Variants in ASH1L observed in about 807,000 individuals in gnomAD.
ASH1L encodes histone-lysine N-methyltransferase ASH1L.
ASH1L carries 23 observed loss-of-function variants against 269.0 expected under a neutral mutation model. The ratio of observed to expected loss-of-function variants is 0.09; its 90% confidence interval spans 0.06 to 0.12. ASH1L has a LOEUF of 0.12. Among genes scored for constraint, ASH1L ranks in the 10% least tolerant of loss-of-function variants. ASH1L has a pLI of 1.00. For synonymous variants in ASH1L, 1,187 were observed against 1,253.5 expected (o/e 0.95, Z 1.12); for missense variants, 2,912 against 3,567.8 (o/e 0.82, Z 4.68).
chr1:155,362,901 C>G (rs1250534901), intron 12 of ASH1L, among the ~76,000 whole-genome samples: 1 of 152,102 alleles, frequency 6.6e-6, no homozygotes, highest in Non-Finnish European at 1.5e-5. Flanking sequence ...TAGATACTGC[C>G]CTATTACATG....
intron 2 of ASH1L, among the ~76,000 whole-genome samples, chr1:155,506,587 C>A (rs1180455440): frequency 1.3e-5 from 2 of 151,800 alleles, no homozygotes; most frequent in African/African-American, 4.8e-5. Flanking sequence ...GTACCAGCTA[C>A]CTGGGAGGCT....
chr1:155,467,976 T>A (rs1194593970), intron 3 of ASH1L, among the ~76,000 whole-genome samples: 1 of 152,148 alleles, frequency 6.6e-6, no homozygotes, highest in Non-Finnish European at 1.5e-5. Context: ...TACAGTACAT[T>A]TGTCACAACC....
chr1:155,484,387 C>G (rs1666154953), intron 2 of ASH1L, among the ~76,000 whole-genome samples: 2 of 151,974 alleles, frequency 1.3e-5, no homozygotes, highest in Non-Finnish European at 2.9e-5. Flanking sequence ...TACCGGGAGG[C>G]TGAGGCAGGA....
intron 12 of ASH1L, among the ~76,000 whole-genome samples, chr1:155,367,775 T>G (rs1655569514): frequency 6.6e-6 from 1 of 152,230 alleles, no homozygotes; most frequent in African/African-American, 2.4e-5. Flanking sequence ...TTTTGAATGT[T>G]AAACCAAACA....
At chr1:155,554,212 G>A (rs1671422755) in intron 1 of ASH1L, among the ~76,000 whole-genome samples, 2 of 151,742 alleles carry the variant, frequency 1.3e-5, no homozygotes. Context: ...AGCCTCCCAA[G>A]TAGCTGGGAC....
At chr1:155,368,035 C>T (rs1655595910) in intron 12 of ASH1L, among the ~76,000 whole-genome samples, 1 of 152,150 alleles carries the variant, frequency 6.6e-6, no homozygotes, top group Admixed American at 6.6e-5. Flanking sequence ...GACACAGGGT[C>T]TCTGTCACCC....
intron 3 of ASH1L, among the ~76,000 whole-genome samples, chr1:155,467,917 C>T (rs2148693968): frequency 6.6e-6 from 1 of 152,100 alleles, no homozygotes; most frequent in South Asian, 2.1e-4. Flanking sequence ...ACAGAGAATA[C>T]TCGTATGTCC....
Position 155,415,801 on chromosome 1 carries a change from G to T in ASH1L, c.5951C>A (p.Pro1984His). ...TGCTTTCTGATACTTCTTCTTTGGG[G>T]GACGTGGGGGCTTCTTTTCCCTTGG... ...LIPREKKPPR[P>H]PKKKYQKAGL... The change falls in exon 6 of 28, where the codon CCC becomes CAC. Residue 1984 changes from proline to histidine, a missense_variant. Pro to His is a moderately conservative substitution (Grantham distance 77). Coordinates refer to ENST00000392403, the MANE Select transcript of ASH1L (RefSeq NM_018489.3). The T allele has an allele frequency of 3.7e-6, 6 of 1,614,014 alleles. No individual in the cohort carries two copies. The highest frequency in any genetic ancestry group is 5.1e-6 in the Non-Finnish European group (6 of 1,180,028).
At chr1:155,380,208 CTAAAAAAA>C in intron 7 of ASH1L, 92 bp from the exon 8 acceptor site, 1 of 864,828 alleles carries the variant, frequency 1.2e-6, no homozygotes, top group Non-Finnish European at 1.8e-6. Flanking sequence ...CATGTACTGA[CTAAAAAAA>C]TAAAGATTTA....
At chr1:155,477,708 AAT>A (rs1294155372) in intron 3 of ASH1L, among the ~76,000 whole-genome samples, 176 bp downstream of exon 3, 3 of 152,156 alleles carry the variant, frequency 2.0e-5, no homozygotes, top group Non-Finnish European at 2.9e-5. Context: ...ACAAAAAAAT[AAT>A]ATAGACATTC....
At chr1:155,441,186 C>G (rs560928859) in intron 4 of ASH1L, among the ~76,000 whole-genome samples, 1 of 152,122 alleles carries the variant, frequency 6.6e-6, no homozygotes, top group African/African-American at 2.4e-5. Flanking sequence ...AAGTTGTAGT[C>G]TAGTCCCTCT....
chr1:155,460,308 T>A (rs1314578158), intron 3 of ASH1L, among the ~76,000 whole-genome samples: 2 of 152,112 alleles, frequency 1.3e-5, no homozygotes, highest in Non-Finnish European at 2.9e-5. Context: ...CAATGTAATT[T>A]ATTAAAAAGT....
intron 3 of ASH1L, among the ~76,000 whole-genome samples, chr1:155,460,531 C>A (rs1346643786): frequency 1.3e-5 from 2 of 152,144 alleles, no homozygotes; most frequent in African/African-American, 4.8e-5. Flanking sequence ...TCGCTTGAAC[C>A]TGGGAGGCAG....
chr1:155,357,439 T>A, intron 14 of ASH1L, 29 bp from the exon 15 acceptor site: 1 of 1,598,576 alleles, frequency 6.3e-7, no homozygotes, highest in Non-Finnish European at 8.6e-7. Context: ...AGATTAGAGA[T>A]TTAAAAAAAT....
At chr1:155,352,647 TA>T (rs150033711) in intron 17 of ASH1L, 58 bp downstream of exon 17, 3,930 of 1,314,270 alleles carry the variant, frequency 3.0e-3, no homozygotes, top group South Asian at 4.7e-3. Flanking sequence ...TCTATTTATT[TA>T]AAAAAAAAAG....
chr1:155,404,688 A>G (rs1414126982), intron 6 of ASH1L, among the ~76,000 whole-genome samples: 2 of 152,140 alleles, frequency 1.3e-5, no homozygotes, highest in East Asian at 1.9e-4. Flanking sequence ...AAAAAAATCA[A>G]TTGTATTTCT....
At chr1:155,510,757 T>G (rs759772642) in intron 2 of ASH1L, among the ~76,000 whole-genome samples, 3 of 148,036 alleles carry the variant, frequency 2.0e-5, no homozygotes, top group Non-Finnish European at 3.0e-5. Context: ...GAAAACACAT[T>G]TTTTTTTTTG....
intron 6 of ASH1L, among the ~76,000 whole-genome samples, chr1:155,412,869 T>G (rs1019371001): frequency 2.0e-5 from 3 of 151,870 alleles, no homozygotes; most frequent in Non-Finnish European, 4.4e-5. Context: ...CCTCATACCT[T>G]TGGTTACAGA....
intron 4 of ASH1L, among the ~76,000 whole-genome samples, chr1:155,452,938 A>C (rs1663596697): frequency 6.6e-6 from 1 of 152,214 alleles, no homozygotes; most frequent in Non-Finnish European, 1.5e-5. Flanking sequence ...GTCTCATGCC[A>C]CATGTAAACC....
Sources: allele counts gnomAD v4.1 joint callset (sites outside exome capture counted in the v4.1 genomes callset), GRCh38; gene constraint gnomAD v4.1.1; transcripts MANE v1.5; gene names NCBI Gene and HGNC (gene_info 2026-07-23, HGNC 2026-07-21).